The following KCNIP4 variants were observed in gnomAD, a reference collection of about 807,000 sequenced individuals.
KCNIP4 encodes Kv channel-interacting protein 4.
A neutral mutation model predicts 34.0 loss-of-function variants in KCNIP4; 12 were observed. That is an observed-to-expected ratio of 0.35 (90% CI 0.23 to 0.57). The LOEUF (loss-of-function observed/expected upper bound fraction) is 0.57. Ranked by LOEUF, KCNIP4 falls within the 20% of genes least tolerant of loss-of-function variation. The pLI is 0.83. For synonymous variants in KCNIP4, 124 were observed against 102.2 expected (o/e 1.21, Z -1.29); for missense variants, 238 against 311.7 (o/e 0.76, Z 1.78).
At chr4:21,256,192 G>C (rs1175212895) in intron 1 of KCNIP4, among the ~76,000 whole-genome samples, 1 of 152,176 alleles carries the variant, frequency 6.6e-6, no homozygotes, top group Non-Finnish European at 1.5e-5. Flanking sequence ...TATTGAGAAA[G>C]TGTGCTATAT....
intron 3 of KCNIP4, among the ~76,000 whole-genome samples, chr4:20,775,852 G>A (rs770654774): frequency 9.2e-5 from 14 of 152,156 alleles, no homozygotes; most frequent in East Asian, 1.9e-4. Context: ...TCCTTCAGGA[G>A]GGCAGAAAGA....
intron 1 of KCNIP4, among the ~76,000 whole-genome samples, chr4:21,127,967 T>G (rs1750755135): frequency 6.6e-6 from 1 of 152,258 alleles, no homozygotes; most frequent in Non-Finnish European, 1.5e-5. Context: ...GAAGACATGC[T>G]AAAGCAGAAG....
chr4:20,975,927 GAAC>G (rs1735447739), intron 1 of KCNIP4, among the ~76,000 whole-genome samples: 2 of 152,188 alleles, frequency 1.3e-5, no homozygotes, highest in Non-Finnish European at 2.9e-5. Flanking sequence ...TGTTTTATTA[GAAC>G]ATGGCCACAC....
intron 5 of KCNIP4, among the ~76,000 whole-genome samples, chr4:20,739,005 G>A (rs1330668160): frequency 2.0e-5 from 3 of 152,150 alleles, no homozygotes; most frequent in Admixed American, 6.5e-5. Flanking sequence ...ACAGAAGTCC[G>A]AGATCGAACT....
chr4:21,191,771 CTTTA>C (rs1356533112), intron 1 of KCNIP4, among the ~76,000 whole-genome samples: 4 of 152,114 alleles, frequency 2.6e-5, no homozygotes, highest in Admixed American at 1.3e-4. Context: ...GGCTTTTATT[CTTTA>C]TTTGTCAGTT....
chr4:21,029,309 A>G (rs1740810901), intron 1 of KCNIP4, among the ~76,000 whole-genome samples: 1 of 152,132 alleles, frequency 6.6e-6, no homozygotes, highest in Non-Finnish European at 1.5e-5. Context: ...AGGTTTCCTG[A>G]GTGCAAAGTT....
rs1245480742 is a variant in KCNIP4, at chr4:20,728,869, A to ACGATGTGTGTGGCTTTAG, written c.*1195_*1212dup. On this transcript the variant is annotated 3_prime_UTR_variant, in exon 9 of 9. Transcript: ENST00000382152. ...TTTGTGATATTTCTACAAAACAGGG[A>ACGATGTGTGTGGCTTTAG]CGATGTGTGTGGCTTTAGTAATGTG... 2.0e-5 allele frequency: 3 copies of ACGATGTGTGTGGCTTTAG among 152,444 alleles called. No homozygotes were observed. The highest frequency in any genetic ancestry group is 4.4e-5 in the Non-Finnish European group (3 of 68,022). The allele number at this position is 152,444 out of a possible 1,614,324, so 9.4% of individuals were successfully genotyped here.
rs1027446401 is a variant in KCNIP4 at position 21,001,218 on chromosome 4, C to T, written c.62-118509G>A. On this transcript the variant is annotated intron_variant, in intron 1 of 8. Transcript: ENST00000382152. ...TTAATTAACATACATAGATACAATA[C>T]ATCACCCTTAAATATTTTGTATTGT... Among the ~76,000 whole-genome samples the T allele has an allele frequency of 2.6e-5, 4 of 152,296 alleles. No individual in the cohort carries two copies. In the East Asian group the frequency reaches 5.8e-4, roughly 22 times the overall value.
intron 1 of KCNIP4, among the ~76,000 whole-genome samples, chr4:21,051,289 A>G (rs1742906601): frequency 6.6e-6 from 1 of 152,244 alleles, no homozygotes; most frequent in South Asian, 2.1e-4. Flanking sequence ...TTTGATAGAT[A>G]AGCAAGGTAA....
intron 1 of KCNIP4, among the ~76,000 whole-genome samples, chr4:21,904,409 T>C (rs28631774): frequency 0.095 from 14,452 of 152,238 alleles, 1,958 homozygotes; most frequent in African/African-American, 0.3. Flanking sequence ...TTACAGTGTA[T>C]GTGACAGGAT....
intron 1 of KCNIP4, among the ~76,000 whole-genome samples, chr4:21,617,121 G>A (rs1316064126): frequency 2.0e-5 from 3 of 152,124 alleles, no homozygotes; most frequent in Non-Finnish European, 4.4e-5. Context: ...GAGTTTATAA[G>A]TATTTTTACC....
intron 1 of KCNIP4, among the ~76,000 whole-genome samples, chr4:21,339,751 T>C (rs1212108940): frequency 6.6e-6 from 1 of 152,144 alleles, no homozygotes; most frequent in Non-Finnish European, 1.5e-5. Context: ...AAAGGCATGA[T>C]AGGCAGAGGA....
chr4:20,969,690 A>G (rs533734192), intron 1 of KCNIP4, among the ~76,000 whole-genome samples: 3 of 152,182 alleles, frequency 2.0e-5, no homozygotes, highest in African/African-American at 4.8e-5. Context: ...AATTCATTAC[A>G]TAATTTTCCA....
chr4:20,942,641 T>A (rs906790157), intron 1 of KCNIP4, among the ~76,000 whole-genome samples: 3 of 152,182 alleles, frequency 2.0e-5, no homozygotes, highest in Non-Finnish European at 2.9e-5. Flanking sequence ...TAATACAAAC[T>A]AATCTCTGCT....
At chr4:21,663,345 T>C (rs1328731074) in intron 1 of KCNIP4, among the ~76,000 whole-genome samples, 1 of 151,312 alleles carries the variant, frequency 6.6e-6, no homozygotes, top group East Asian at 2.0e-4. Flanking sequence ...TTGAGGATTG[T>C]CTGCTTACTG....
At chr4:20,879,312 C>T (rs1195779811) in intron 2 of KCNIP4, among the ~76,000 whole-genome samples, 1 of 152,102 alleles carries the variant, frequency 6.6e-6, no homozygotes, top group Admixed American at 6.5e-5. Context: ...ATTACTCTTG[C>T]TCAACTACCA....
intron 1 of KCNIP4, among the ~76,000 whole-genome samples, chr4:21,736,167 A>G (rs1014473005): frequency 2.0e-5 from 3 of 152,156 alleles, no homozygotes; most frequent in Non-Finnish European, 4.4e-5. Context: ...TATATTGAGT[A>G]AGAAATAAAC....
intron 1 of KCNIP4, among the ~76,000 whole-genome samples, chr4:21,937,983 G>A (rs1038308225): frequency 3.3e-5 from 5 of 152,000 alleles, no homozygotes; most frequent in African/African-American, 7.3e-5. Context: ...CATCTTGACC[G>A]TGACTACTGT....
At chr4:20,811,209 C>G (rs963723595) in intron 3 of KCNIP4, among the ~76,000 whole-genome samples, 9 of 152,158 alleles carry the variant, frequency 5.9e-5, no homozygotes, top group Non-Finnish European at 1.2e-4. Context: ...AAAAAACTCC[C>G]TATCCAATTA....
Sources: gnomAD v4.1 joint callset for allele counts (sites outside exome capture counted in the v4.1 genomes callset) on GRCh38, gnomAD v4.1.1 for gene constraint, MANE v1.5 for transcripts, NCBI Gene and HGNC (gene_info 2026-07-23, HGNC 2026-07-21) for gene names.